Variants in CSMD2 observed in about 807,000 individuals in gnomAD.
The protein encoded by CSMD2 is CUB and sushi domain-containing protein 2.
A neutral mutation model predicts 398.5 loss-of-function variants in CSMD2; 130 were observed. That is an observed-to-expected ratio of 0.33 (90% CI 0.28 to 0.38). The LOEUF (loss-of-function observed/expected upper bound fraction) is 0.38. Among genes scored for constraint, CSMD2 ranks in the 10% least tolerant of loss-of-function variants. The pLI is 1.00. For synonymous variants in CSMD2, 1,828 were observed against 1,908.5 expected (o/e 0.96, Z 1.10); for missense variants, 3,829 against 4,764.9 (o/e 0.80, Z 5.78).
intron 4 of CSMD2, among the ~76,000 whole-genome samples, chr1:33,920,542 C>CAAAAAAAA (rs58865984): frequency 3.8e-4 from 32 of 84,234 alleles, no homozygotes; most frequent in African/African-American, 1.1e-3. Context: ...CAATCTGTCT[C>CAAAAAAAA]AAAAAAAAAA....
At chr1:34,133,914 C>A (rs754565408) in intron 1 of CSMD2, among the ~76,000 whole-genome samples, 37 of 151,736 alleles carry the variant, frequency 2.4e-4, no homozygotes, top group Admixed American at 6.6e-4. Context: ...ACTAAAAATA[C>A]AAAAATTAGC....
chr1:33,527,038 G>C (rs1222615247), intron 65 of CSMD2, among the ~76,000 whole-genome samples, 158 bp downstream of exon 65: 1 of 152,160 alleles, frequency 6.6e-6, no homozygotes, highest in Non-Finnish European at 1.5e-5. Context: ...AGTCTGCCTG[G>C]GCTGGGGAGG....
chr1:33,995,825 G>C (rs78757575), intron 3 of CSMD2, among the ~76,000 whole-genome samples: 1 of 152,308 alleles, frequency 6.6e-6, no homozygotes, highest in East Asian at 1.9e-4. Flanking sequence ...TTCAGTAACC[G>C]GGAGCAGTGG....
At chr1:33,655,405 A>AT (rs756645065) in intron 27 of CSMD2, among the ~76,000 whole-genome samples, 13 of 152,104 alleles carry the variant, frequency 8.5e-5, no homozygotes, top group African/African-American at 1.4e-4. Flanking sequence ...GCTTTATAGT[A>AT]TTTTCTTTTT....
chr1:33,598,723 G>C (rs1311854741), intron 44 of CSMD2: 1 of 141,616 alleles, frequency 7.1e-6, no homozygotes, highest in Non-Finnish European at 1.5e-5. Flanking sequence ...CCAGGCTGGA[G>C]TGCAATGGCG....
chr1:34,076,928 A>AAAAAAATATATAT (rs1232288848), intron 2 of CSMD2, among the ~76,000 whole-genome samples: 6 of 53,594 alleles, frequency 1.1e-4, no homozygotes, highest in Non-Finnish European at 1.9e-4. Flanking sequence ...AAAAAAAAAA[A>AAAAAAATATATAT]ATATATATAT....
intron 5 of CSMD2, among the ~76,000 whole-genome samples, chr1:33,883,271 G>A (rs1641360131): frequency 6.6e-6 from 1 of 152,144 alleles, no homozygotes; most frequent in African/African-American, 2.4e-5. Context: ...AAAAAGACCT[G>A]GGCTTCCAAT....
chr1:33,851,374 C>G (rs1037242946), intron 5 of CSMD2, among the ~76,000 whole-genome samples: 1 of 152,162 alleles, frequency 6.6e-6, no homozygotes, highest in African/African-American at 2.4e-5. Context: ...GTGCATGGCC[C>G]TGGTCTGATT....
chr1:33,624,853 C>T lies in CSMD2; in HGVS notation c.5500+198G>A, dbSNP rs1642003475. Among the ~76,000 whole-genome samples the T allele has an allele frequency of 6.6e-6, 1 of 152,170 alleles. No individual in the cohort carries two copies. Among genetic ancestry groups the T allele is most frequent in the African/African-American group, 2.4e-5 (1 of 41,440 alleles). ...CCAGCTCCTCTCTCCACGTGTGCCC[C>T]GTCCCCAGTACACCGGCTGTCTTCA... On this transcript the variant is annotated intron_variant, in intron 34 of 70. Coordinates refer to ENST00000373381, the MANE Select transcript of CSMD2 (RefSeq NM_001281956.2). The surrounding 1 kb of genome is among the most constrained non-coding windows in gnomAD (Gnocchi z 4.7).
intron 5 of CSMD2, among the ~76,000 whole-genome samples, chr1:33,856,636 T>G (rs753893): frequency 0.84 from 127,425 of 152,040 alleles, 53,909 homozygotes; most frequent in African/African-American, 0.95. Flanking sequence ...GAGCATCATG[T>G]ATGTCCCTTC....
At chr1:33,534,112 G>A (rs1655533126) in intron 62 of CSMD2, among the ~76,000 whole-genome samples, 2 of 152,136 alleles carry the variant, frequency 1.3e-5, no homozygotes, top group Admixed American at 6.5e-5. Context: ...CTAATACCCT[G>A]AACAAAGTTG....
chr1:34,160,269 T>C lies in CSMD2; in HGVS notation c.187+4642A>G. Reference sequence around the variant, plus strand: ...CCTAGATATGGTGGGCACTCTCCGCTGCAGTCAGCTCATTTTTTAAAAACC... The same window carrying C: ...CCTAGATATGGTGGGCACTCTCCGCCGCAGTCAGCTCATTTTTTAAAAACC... On this transcript the variant is annotated intron_variant, in intron 1 of 70. Transcript: ENST00000373381. Among the ~76,000 whole-genome samples, 3 of 152,308 alleles carry C rather than the reference T, an allele frequency of 2.0e-5. 1 individual carries two copies. In the Middle Eastern group the frequency reaches 0.01, roughly 518 times the overall value.
intron 25 of CSMD2, among the ~76,000 whole-genome samples, chr1:33,666,528 G>T (rs1013518682): frequency 1.7e-5 from 2 of 120,714 alleles, no homozygotes; most frequent in Admixed American, 1.9e-4. Flanking sequence ...GTTATTTATT[G>T]TCAGATATAT....
chr1:33,918,003 T>G, intron 5 of CSMD2, 91 bp downstream of exon 5: 1 of 1,184,434 alleles, frequency 8.4e-7, no homozygotes, highest in South Asian at 1.4e-5. Flanking sequence ...GGCCTCTGGC[T>G]GCAGGTCCAG....
chr1:34,121,274 G>A (rs1339128224), intron 1 of CSMD2, among the ~76,000 whole-genome samples: 1 of 152,210 alleles, frequency 6.6e-6, no homozygotes, highest in African/African-American at 2.4e-5. Flanking sequence ...AAGGACAGAT[G>A]TCTTTTCATT....
chr1:33,725,032 G>A (rs1646481523), intron 17 of CSMD2, among the ~76,000 whole-genome samples: 1 of 152,224 alleles, frequency 6.6e-6, no homozygotes, highest in Non-Finnish European at 1.5e-5. Flanking sequence ...GGTGTGAGAT[G>A]CCATCTTGGG....
Position 33,724,215 on chromosome 1 carries a change from C to T in CSMD2, c.2983G>A (p.Glu995Lys), listed in dbSNP as rs757085822. The T allele has an allele frequency of 1.1e-5, 17 of 1,612,956 alleles. No homozygotes were observed. Among genetic ancestry groups the T allele is most frequent in the South Asian group, 8.8e-5 (8 of 91,032 alleles). The stretch of plus-strand genomic sequence containing the variant: ...CACTCACCCTTGCCATGAGATGTTT[C>T]GATAATCCAGGTGCAGTTCAAGTTG... ...PNNLNCTWII[E>K]TSHGKGVFFT... Residue 995 changes from glutamate (E) to lysine (K), a missense_variant, in exon 19 of 71, where the codon GAA (glutamate) becomes AAA (lysine). Coordinates refer to ENST00000373381, the MANE Select transcript of CSMD2 (RefSeq NM_001281956.2).
intron 38 of CSMD2, 107 bp from the exon 39 acceptor site, chr1:33,617,082 C>T (rs1641441407): frequency 3.8e-6 from 3 of 784,780 alleles, no homozygotes; most frequent in Non-Finnish European, 6.6e-6. Context: ...TGTTAAGGAA[C>T]AAGATACACA....
At chr1:33,532,066 A>G (rs1655286696) in intron 64 of CSMD2, among the ~76,000 whole-genome samples, 1 of 152,246 alleles carries the variant, frequency 6.6e-6, no homozygotes, top group African/African-American at 2.4e-5. Context: ...TACCATGAAA[A>G]TAAAACACCG....
Sources: allele counts gnomAD v4.1 joint callset (sites outside exome capture counted in the v4.1 genomes callset), GRCh38; gene constraint gnomAD v4.1.1; non-coding constraint Gnocchi (gnomAD v3.1); transcripts MANE v1.5; gene names NCBI Gene and HGNC (gene_info 2026-07-23, HGNC 2026-07-21).